The following SMURF1 variants were observed in gnomAD, a reference collection of about 807,000 sequenced individuals.
SMURF1 encodes the protein SMAD specific E3 ubiquitin protein ligase 1.
In SMURF1, 44 loss-of-function variants were observed where a neutral mutation model predicts 98.0. That is an observed-to-expected ratio of 0.45 (90% CI 0.35 to 0.58). The LOEUF is 0.58. Among genes scored for constraint, SMURF1 ranks in the 20% least tolerant of loss-of-function variants. The pLI is 0.00. For missense variants in SMURF1, 687 were observed against 938.4 expected (o/e 0.73, Z 3.50); for synonymous variants, 396 against 374.9 (o/e 1.06, Z -0.65).
chr7:99,143,171 G>A (rs1337590716), intron 1 of SMURF1, among the ~76,000 whole-genome samples: 1 of 142,584 alleles, frequency 7.0e-6, no homozygotes, highest in Non-Finnish European at 1.5e-5. Context: ...GCGAGGGGGT[G>A]GGGCCAGAGA....
At chr7:99,037,989 C>T (rs564429244) in intron 14 of SMURF1, among the ~76,000 whole-genome samples, 6 of 152,248 alleles carry the variant, frequency 3.9e-5, no homozygotes, top group South Asian at 4.1e-4. Context: ...GTGCCTAGGC[C>T]GCAAGTGCCT....
chr7:99,131,380 A>G (rs1159283903), intron 1 of SMURF1, among the ~76,000 whole-genome samples: 1 of 152,122 alleles, frequency 6.6e-6, no homozygotes, highest in Non-Finnish European at 1.5e-5. Context: ...TATCAGGGAA[A>G]GAAACAATCA....
intron 9 of SMURF1, 171 bp downstream of exon 9, chr7:99,049,392 G>T: frequency 1.4e-6 from 1 of 691,096 alleles, no homozygotes; most frequent in Non-Finnish European, 2.4e-6. Context: ...GCTCTTCACA[G>T]CTAATTTAAG....
chr7:99,059,885 G>A (rs1353860356), intron 3 of SMURF1, among the ~76,000 whole-genome samples: 2 of 150,906 alleles, frequency 1.3e-5, no homozygotes, highest in African/African-American at 4.9e-5. Flanking sequence ...ACTCTAGCCT[G>A]GGCGACAAAG....
Position 99,028,243 on chromosome 7 carries a change from T to TG in SMURF1, c.*2340dup, listed in dbSNP as rs34288799. 1 of 152,412 alleles carries TG rather than the reference T, an allele frequency of 6.6e-6. No homozygotes were observed. Among genetic ancestry groups the TG allele is most frequent in the African/African-American group, 2.4e-5 (1 of 41,372 alleles). 9.4% of individuals were successfully genotyped at this position (152,412 alleles called of 1,614,324 possible). ...ATTTGCTTTGCCATGTTGAGTTCTT[T>TG]GGGGTGGTTCAAAAGGACCAAACAA... On this transcript the variant is annotated 3_prime_UTR_variant, in exon 18 of 18. Coordinates refer to ENST00000361368, the MANE Select transcript of SMURF1 (RefSeq NM_181349.3).
intron 1 of SMURF1, among the ~76,000 whole-genome samples, chr7:99,126,603 T>C (rs1797751803): frequency 6.6e-6 from 1 of 152,146 alleles, no homozygotes; most frequent in South Asian, 2.1e-4. Flanking sequence ...TGCAGTGAGC[T>C]GAGATTGCGC....
At chr7:99,092,607 C>G (rs952468871) in intron 1 of SMURF1, among the ~76,000 whole-genome samples, 1 of 152,160 alleles carries the variant, frequency 6.6e-6, no homozygotes, top group African/African-American at 2.4e-5. Flanking sequence ...TTTCACATGT[C>G]TGTGCTTTGT....
intron 10 of SMURF1, 94 bp from the exon 11 acceptor site, chr7:99,045,895 A>G: frequency 1.1e-6 from 1 of 881,308 alleles, no homozygotes; most frequent in Admixed American, 2.1e-5. Context: ...AAGAACACGC[A>G]TCCATTCCAA....
At chr7:99,091,621 C>T (rs1295960118) in intron 1 of SMURF1, among the ~76,000 whole-genome samples, 2 of 152,134 alleles carry the variant, frequency 1.3e-5, no homozygotes, top group African/African-American at 4.8e-5. Flanking sequence ...ATGTTCCTTG[C>T]CCAGACCCTC....
intron 12 of SMURF1, among the ~76,000 whole-genome samples, chr7:99,040,949 C>T (rs527292690): frequency 6.6e-6 from 1 of 152,150 alleles, no homozygotes. Context: ...GTGCTTCCTC[C>T]CACTGCACAG....
chr7:99,099,778 G>A (rs949052697), intron 1 of SMURF1, among the ~76,000 whole-genome samples: 1 of 152,078 alleles, frequency 6.6e-6, no homozygotes, highest in African/African-American at 2.4e-5. Flanking sequence ...TTCTCTCTCT[G>A]GCCATGTGGT....
In SMURF1 at chr7:99,028,630, A is replaced by T. The variant is rs1562991887; in HGVS notation, c.*1954T>A. ...TAGTTTTAAAGGCGTCAAATGCAACATTCCTGCTTCAAAGTCTTTTAAACC... is the reference window on the plus strand; with the variant it reads ...TAGTTTTAAAGGCGTCAAATGCAACTTTCCTGCTTCAAAGTCTTTTAAACC... On this transcript the variant is annotated 3_prime_UTR_variant, in exon 18 of 18. Coordinates refer to ENST00000361368, the MANE Select transcript of SMURF1 (RefSeq NM_181349.3). 1 of 152,204 alleles carries T rather than the reference A, an allele frequency of 6.6e-6. No individual in the cohort carries two copies. The highest frequency in any genetic ancestry group is 1.5e-5 in the Non-Finnish European group (1 of 68,032). The allele number at this position is 152,204 out of a possible 1,614,324, so 9.4% of individuals were successfully genotyped here. A position where few individuals can be genotyped will look rare whatever the true frequency, so the allele number is the denominator to read the frequency against.
intron 13 of SMURF1, among the ~76,000 whole-genome samples, chr7:99,039,620 G>A (rs371344410): frequency 4.2e-4 from 64 of 152,164 alleles, no homozygotes; most frequent in African/African-American, 1.3e-3. Flanking sequence ...CACCCACCTC[G>A]GCCCCACAAA....
chr7:99,121,603 T>A (rs1183241651), intron 1 of SMURF1, among the ~76,000 whole-genome samples: 1 of 152,118 alleles, frequency 6.6e-6, no homozygotes, highest in African/African-American at 2.4e-5. Context: ...CCAAGCTTAG[T>A]TTGGAAGTAA....
chr7:99,079,314 C>T (rs893977059), intron 1 of SMURF1, among the ~76,000 whole-genome samples: 52 of 152,196 alleles, frequency 3.4e-4, no homozygotes, highest in Non-Finnish European at 6.3e-4. Flanking sequence ...CCATGTTCTG[C>T]GCAGGCTGGC....
intron 1 of SMURF1, among the ~76,000 whole-genome samples, chr7:99,138,107 CA>C (rs10711307): frequency 0.8 from 119,815 of 149,698 alleles, 48,022 homozygotes; most frequent in Non-Finnish European, 0.85. Context: ...TGTTCAGTGA[CA>C]AAAAAAAAAA....
chr7:99,042,284 T>C (rs754896417), intron 11 of SMURF1, 52 bp from the exon 12 acceptor site: 6 of 1,353,386 alleles, frequency 4.4e-6, no homozygotes, highest in Admixed American at 1.9e-5. Flanking sequence ...TTTCTACATT[T>C]TTTTTTTTTC....
chr7:99,086,144 G>C (rs1399448352), intron 1 of SMURF1, among the ~76,000 whole-genome samples: 1 of 151,934 alleles, frequency 6.6e-6, no homozygotes, highest in East Asian at 1.9e-4. Context: ...TTAGCAGTTC[G>C]AGACCAGCCT....
chr7:99,092,672 C>CAGT (rs1294291450), intron 1 of SMURF1, among the ~76,000 whole-genome samples: 1 of 152,124 alleles, frequency 6.6e-6, no homozygotes, highest in Non-Finnish European at 1.5e-5. Context: ...AAGTGCTATC[C>CAGT]AGTGTGCCTT....
Sources: gnomAD v4.1 joint callset for allele counts (sites outside exome capture counted in the v4.1 genomes callset) on GRCh38, gnomAD v4.1.1 for gene constraint, MANE v1.5 for transcripts, NCBI Gene and HGNC (gene_info 2026-07-23, HGNC 2026-07-21) for gene names.